CNTNAP5: variants seen among roughly 807,000 people sequenced by gnomAD.
CNTNAP5 encodes the protein contactin associated protein family member 5.
A neutral mutation model predicts 150.2 loss-of-function variants in CNTNAP5; 72 were observed. That is an observed-to-expected ratio of 0.48 (90% CI 0.40 to 0.58). CNTNAP5 has a LOEUF of 0.58. Among genes scored for constraint, CNTNAP5 ranks in the 20% least tolerant of loss-of-function variants. CNTNAP5 has a pLI of 0.00. For synonymous variants in CNTNAP5, 672 were observed against 619.8 expected (o/e 1.08, Z -1.25); for missense variants, 1,636 against 1,626.2 (o/e 1.01, Z -0.10).
At position 124,456,702 on chromosome 2, in the gene CNTNAP5, C is replaced by G. The variant is rs181568002; in HGVS notation, c.918+9765C>G. Among the ~76,000 whole-genome samples the G allele has an allele frequency of 3.7e-3, 558 of 152,222 alleles. 4 individuals carry two copies. The highest frequency in any genetic ancestry group is 0.012 in the African/African-American group (515 of 41,544). ...CCATAGTAACCAAAACAGCATGGTA[C>G]TGGAAGAAAAACAGGCACATCCACC... On this transcript the variant is annotated intron_variant, in intron 6 of 23. Transcript: ENST00000682447.
intron 3 of CNTNAP5, among the ~76,000 whole-genome samples, chr2:124,363,920 C>T (rs1281020422): frequency 6.6e-6 from 1 of 152,170 alleles, no homozygotes; most frequent in Non-Finnish European, 1.5e-5. Flanking sequence ...ACTGTGTCCC[C>T]TGCTCCAAGC....
At position 124,263,947 on chromosome 2, in the gene CNTNAP5, C is replaced by A. The variant is rs1687533262; in HGVS notation, c.381+21554C>A. On this transcript the variant is annotated intron_variant, in intron 3 of 23. Transcript: ENST00000682447. ...TGTTTTTGTCAGGTTTGTCAAAGAT[C>A]TGATGGTTGTAGATGTGTGGTATTA... Among the ~76,000 whole-genome samples the A allele has an allele frequency of 3.9e-5, 6 of 152,190 alleles. No individual in the cohort carries two copies. In the South Asian group the frequency reaches 1.2e-3, roughly 32 times the overall value.
At chr2:124,416,115 A>G (rs1321688326) in intron 3 of CNTNAP5, among the ~76,000 whole-genome samples, 1 of 152,114 alleles carries the variant, frequency 6.6e-6, no homozygotes, top group Non-Finnish European at 1.5e-5. Context: ...ATTGAAGACA[A>G]TTGTTTCTCT....
chr2:124,848,011 A>C (rs921706158), intron 19 of CNTNAP5, among the ~76,000 whole-genome samples: 4 of 152,176 alleles, frequency 2.6e-5, no homozygotes, highest in Non-Finnish European at 5.9e-5. Context: ...TACTTGACTA[A>C]TAAGGATTGA....
intron 1 of CNTNAP5, among the ~76,000 whole-genome samples, chr2:124,208,156 G>T (rs1014184184): frequency 7.9e-5 from 12 of 152,062 alleles, no homozygotes; most frequent in Non-Finnish European, 1.2e-4. Flanking sequence ...TCATTTCATA[G>T]AGTCCTGAAG....
intron 13 of CNTNAP5, among the ~76,000 whole-genome samples, chr2:124,740,659 G>A (rs761215578): frequency 6.6e-6 from 1 of 152,090 alleles, no homozygotes; most frequent in African/African-American, 2.4e-5. Flanking sequence ...TTATTTTCAC[G>A]TGATTTATAC....
intron 13 of CNTNAP5, among the ~76,000 whole-genome samples, chr2:124,661,973 G>C (rs750821120): frequency 1.3e-5 from 2 of 151,976 alleles, no homozygotes; most frequent in African/African-American, 4.8e-5. Context: ...TCTACATTAG[G>C]TATTTCTCCT....
intron 17 of CNTNAP5, among the ~76,000 whole-genome samples, chr2:124,784,820 G>A (rs1681529401): frequency 6.6e-6 from 1 of 152,048 alleles, no homozygotes; most frequent in South Asian, 2.1e-4. Flanking sequence ...CCCCACTCTG[G>A]CCAAAGCAAT....
chr2:124,725,401 A>G (rs1680134558), intron 13 of CNTNAP5, among the ~76,000 whole-genome samples: 1 of 151,832 alleles, frequency 6.6e-6, no homozygotes, highest in South Asian at 2.1e-4. Context: ...AAGTTAACTA[A>G]CATATCCATG....
chr2:124,114,911 A>T (rs1683388479), intron 1 of CNTNAP5, among the ~76,000 whole-genome samples: 1 of 151,734 alleles, frequency 6.6e-6, no homozygotes, highest in Non-Finnish European at 1.5e-5. Flanking sequence ...TGTCATTAAT[A>T]TAATGAATTA....
intron 21 of CNTNAP5, among the ~76,000 whole-genome samples, chr2:124,870,150 T>G (rs1467354301): frequency 6.6e-6 from 1 of 151,848 alleles, no homozygotes; most frequent in Non-Finnish European, 1.5e-5. Context: ...ATTATAATAG[T>G]GAATCTTTTT....
chr2:124,403,328 T>C (rs1466869929), intron 3 of CNTNAP5, among the ~76,000 whole-genome samples: 1 of 152,238 alleles, frequency 6.6e-6, no homozygotes, highest in Admixed American at 6.5e-5. Flanking sequence ...GTATTGCATG[T>C]ATTGAAGAAC....
chr2:124,565,244 C>A (rs1460260252), intron 11 of CNTNAP5, among the ~76,000 whole-genome samples: 1 of 151,906 alleles, frequency 6.6e-6, no homozygotes, highest in African/African-American at 2.4e-5. Flanking sequence ...TAGTTGCCTG[C>A]AGAAACAAAA....
intron 3 of CNTNAP5, among the ~76,000 whole-genome samples, chr2:124,360,233 C>T (rs1197056327): frequency 1.3e-4 from 19 of 151,614 alleles, no homozygotes; most frequent in Non-Finnish European, 2.7e-4. Context: ...GAATACAGCA[C>T]ACTGAATACA....
intron 23 of CNTNAP5, among the ~76,000 whole-genome samples, chr2:124,913,703 T>C (rs190692934): frequency 9.4e-4 from 143 of 152,190 alleles, no homozygotes; most frequent in African/African-American, 3.2e-3. Flanking sequence ...AACTCTGAAA[T>C]ACTTAGTTGT....
intron 12 of CNTNAP5, among the ~76,000 whole-genome samples, chr2:124,613,540 T>A (rs1474578308): frequency 7.2e-5 from 11 of 152,222 alleles, no homozygotes. Flanking sequence ...ACTTTTCTTC[T>A]AAGAAGTCTA....
chr2:124,176,840 T>C (rs1380785499), intron 1 of CNTNAP5, among the ~76,000 whole-genome samples: 1 of 131,698 alleles, frequency 7.6e-6, no homozygotes, highest in Non-Finnish European at 1.6e-5. Context: ...TTGTTATTGC[T>C]GGTTTTTTTT....
intron 22 of CNTNAP5, among the ~76,000 whole-genome samples, chr2:124,906,293 T>C (rs1678535796): frequency 1.3e-5 from 2 of 152,182 alleles, no homozygotes; most frequent in Non-Finnish European, 2.9e-5. Flanking sequence ...ATATATTTTG[T>C]TCAGATTTTG....
intron 1 of CNTNAP5, among the ~76,000 whole-genome samples, chr2:124,068,175 G>A (rs1682211498): frequency 6.6e-6 from 1 of 152,026 alleles, no homozygotes; most frequent in Admixed American, 6.6e-5. Context: ...CATATGGTTG[G>A]AAGAGGCATT....
Sources: allele counts gnomAD v4.1 joint callset (sites outside exome capture counted in the v4.1 genomes callset), GRCh38; gene constraint gnomAD v4.1.1; transcripts MANE v1.5; gene names NCBI Gene and HGNC (gene_info 2026-07-23, HGNC 2026-07-21).